Variants in PGPEP1 observed in about 807,000 individuals in gnomAD.
The protein encoded by PGPEP1 is pyroglutamyl-peptidase 1.
PGPEP1 carries 15 observed loss-of-function variants against 24.1 expected under a neutral mutation model. That is an observed-to-expected ratio of 0.62 (90% confidence interval 0.42 to 0.96). PGPEP1 has a LOEUF of 0.96. PGPEP1 is among the 40% of genes least tolerant of loss of function. The pLI, the probability that PGPEP1 is intolerant of heterozygous loss-of-function variation, is 0.00. For synonymous variants in PGPEP1, 122 were observed against 116.4 expected (o/e 1.05, Z -0.31); for missense variants, 242 against 273.4 (o/e 0.89, Z 0.81).
chr19:18,344,251 T>G (rs570053361), intron 2 of PGPEP1, among the ~76,000 whole-genome samples: 1 of 152,200 alleles, frequency 6.6e-6, no homozygotes, highest in East Asian at 1.9e-4. Context: ...GGGGCTGTCA[T>G]TCCTGGTGCC....
rs141010942 is a variant in PGPEP1 at position 18,345,937 on chromosome 19, G to A, written c.87+3026G>A. 6.1e-3 allele frequency among the ~76,000 whole-genome samples: 919 copies of A among 151,456 alleles called. 6 individuals carry two copies. The highest frequency in any genetic ancestry group is 9.3e-3 in the Non-Finnish European group (630 of 67,888). ...CAGGAGGCAGAGGTTGCAGTAAGCC[G>A]AGATTGTGCCACTGCACTCCAGCCT... On this transcript the variant is annotated intron_variant, in intron 2 of 4. Transcript: ENST00000269919.
intron 2 of PGPEP1, among the ~76,000 whole-genome samples, chr19:18,355,205 G>C (rs952098025): frequency 4.0e-5 from 6 of 151,326 alleles, no homozygotes; most frequent in Non-Finnish European, 8.8e-5. Context: ...TCCTGACCTC[G>C]TGATCCGCCT....
At position 18,369,809 on chromosome 19, in the gene PGPEP1, C is replaced by CT. The variant is rs1397822555; in HGVS notation, c.*6230dup. ...CTTCTCCCTGACCCCCGCCCTAGAA[C>CT]TTTTGCCAGTGCCTTTTCTGAAACT... On this transcript the variant is annotated 3_prime_UTR_variant, in exon 5 of 5. Coordinates refer to ENST00000269919, the MANE Select transcript of PGPEP1 (RefSeq NM_017712.4). The CT allele has an allele frequency of 1.3e-5, 2 of 152,254 alleles. No individual in the cohort carries two copies. The highest frequency in any genetic ancestry group is 2.9e-5 in the Non-Finnish European group (2 of 68,118). The allele number at this position is 152,254 out of a possible 1,614,324, so 9.4% of individuals were successfully genotyped here.
At chr19:18,342,170 A>T (rs546642801) in intron 1 of PGPEP1, among the ~76,000 whole-genome samples, 1 of 152,198 alleles carries the variant, frequency 6.6e-6, no homozygotes, top group South Asian at 2.1e-4. Context: ...TGGCCTCCCA[A>T]AGTGCTGGAA....
Position 18,363,499 on chromosome 19 carries a change from C to A in PGPEP1, c.546C>A (p.Gly182=), listed in dbSNP as rs781570888. The A allele has an allele frequency of 6.8e-6, 11 of 1,614,176 alleles. No homozygotes were observed. The South Asian group carries it at 1.1e-4, about 16-fold the overall frequency. Residue 182 remains glycine (G), a synonymous_variant, in exon 5 of 5, where the codon GGC becomes GGA. Coordinates refer to ENST00000269919, the MANE Select transcript of PGPEP1 (RefSeq NM_017712.4). ...LGKPYNADQL[G]RALRAIIEEM... is the part of the protein sequence containing the mutation. ...AGCCGTACAACGCGGACCAGCTGGG[C>A]AGGGCACTGAGAGCCATCATTGAGG... is the stretch of plus-strand genomic sequence containing the variant.
At chr19:18,355,848 A>G in intron 2 of PGPEP1, 47 bp from the exon 3 acceptor site, 3 of 1,199,344 alleles carry the variant, frequency 2.5e-6, no homozygotes, top group South Asian at 1.2e-5. Flanking sequence ...CATTATCCCC[A>G]TAGCTGTCAT....
Position 18,348,759 on chromosome 19 carries a change from A to T in PGPEP1, c.87+5848A>T, listed in dbSNP as rs1396570349. The stretch of plus-strand genomic sequence containing the variant: ...AGTTTCCCTATCACTTTGGTGAGAA[A>T]CTTTTTTTTTGTTTTGAGATGGGGT... On this transcript the variant is annotated intron_variant, in intron 2 of 4. Transcript: ENST00000269919. 2.0e-5 allele frequency among the ~76,000 whole-genome samples: 3 copies of T among 151,934 alleles called. No homozygotes were observed. The East Asian group carries it at 5.8e-4, about 29-fold the overall frequency.
chr19:18,344,672 G>A (rs568451965), intron 2 of PGPEP1, among the ~76,000 whole-genome samples: 179 of 151,676 alleles, frequency 1.2e-3, no homozygotes, highest in Middle Eastern at 3.4e-3. Context: ...GAGCGTGCCC[G>A]AGGCCCTGCC....
chr19:18,343,056 A>G (rs1970719939), intron 2 of PGPEP1, 145 bp downstream of exon 2: 2 of 653,174 alleles, frequency 3.1e-6, no homozygotes, highest in Admixed American at 5.3e-5. Flanking sequence ...CTGGAATGCA[A>G]TGGCACAATC....
intron 1 of PGPEP1, among the ~76,000 whole-genome samples, chr19:18,341,274 A>G (rs1253999968): frequency 6.6e-6 from 1 of 152,166 alleles, no homozygotes; most frequent in East Asian, 1.9e-4. Context: ...CAGCTGTCCC[A>G]GGGACTGTCT....
intron 4 of PGPEP1, among the ~76,000 whole-genome samples, chr19:18,362,661 G>A (rs1457167025): frequency 1.4e-5 from 2 of 146,370 alleles, no homozygotes; most frequent in African/African-American, 5.0e-5. Flanking sequence ...CGAGGAGGCA[G>A]AAGTTGCACT....
At position 18,364,895 on chromosome 19, in the gene PGPEP1, G is replaced by T. The variant is rs1311814864; in HGVS notation, c.*1312G>T. 1 of 151,982 alleles carries T rather than the reference G, an allele frequency of 6.6e-6. No homozygotes were observed. The highest frequency in any genetic ancestry group is 1.9e-4 in the East Asian group (1 of 5,184). 9.4% of individuals were successfully genotyped at this position (151,982 alleles called of 1,614,324 possible). A position where few individuals can be genotyped will look rare whatever the true frequency, so the allele number is the denominator to read the frequency against. ...CCCTACTTCTGGCCTGGAGCTTCAG[G>T]GTTTTGGTGCTGGGACGAGTTTGTT... On this transcript the variant is annotated 3_prime_UTR_variant, in exon 5 of 5. Transcript: ENST00000269919.
Position 18,363,375 on chromosome 19 carries a change from A to G in PGPEP1, c.438-16A>G, listed in dbSNP as rs775385119. 2.9e-5 allele frequency: 46 copies of G among 1,596,220 alleles called. No homozygotes were observed. On this transcript the variant is annotated splice_polypyrimidine_tract_variant and intron_variant, in intron 4 of 4. Coordinates refer to ENST00000269919, the MANE Select transcript of PGPEP1 (RefSeq NM_017712.4). ...CGTTTTGGTCTCTCTCTTACCCGCC[A>G]CGCCCTGCGGCTTAGATATCTCTGC...
chr19:18,360,916 T>A (rs1011655825), intron 4 of PGPEP1, among the ~76,000 whole-genome samples: 11 of 150,712 alleles, frequency 7.3e-5, no homozygotes, highest in Admixed American at 2.0e-4. Flanking sequence ...CACTGCAGCC[T>A]CCATCTCCCG....
At chr19:18,344,982 C>A (rs1185142989) in intron 2 of PGPEP1, among the ~76,000 whole-genome samples, 1 of 152,088 alleles carries the variant, frequency 6.6e-6, no homozygotes, top group Non-Finnish European at 1.5e-5. Context: ...TCTCTCCAGA[C>A]CTGCAGTTTC....
In PGPEP1 at chr19:18,366,253, C is replaced by T. The variant is rs1224209416; in HGVS notation, c.*2670C>T. On this transcript the variant is annotated 3_prime_UTR_variant, in exon 5 of 5. Transcript: ENST00000269919. ...CTAAGCACCTGCCCCGGGCTCCACA[C>T]TTCCATCTTTCTTTTGTCTTCATTT... 2 of 152,202 alleles carry T rather than the reference C, an allele frequency of 1.3e-5. No individual in the cohort carries two copies. Among genetic ancestry groups the T allele is most frequent in the Non-Finnish European group, 2.9e-5 (2 of 68,076 alleles). 9.4% of individuals were successfully genotyped at this position (152,202 alleles called of 1,614,324 possible). A position where few individuals can be genotyped will look rare whatever the true frequency, so the allele number is the denominator to read the frequency against.
chr19:18,359,227 G>A (rs1279926574), intron 4 of PGPEP1, among the ~76,000 whole-genome samples: 1 of 152,106 alleles, frequency 6.6e-6, no homozygotes, highest in Admixed American at 6.6e-5. Context: ...CTGGGCAACA[G>A]AGCAAGACCC....
At position 18,357,724 on chromosome 19, in the gene PGPEP1, C is replaced by G. The variant is rs1009030876; in HGVS notation, c.437+109C>G. The G allele has an allele frequency of 4.0e-6, 3 of 751,630 alleles. No homozygotes were observed. In the African/African-American group the frequency reaches 5.1e-5, roughly 13 times the overall value. 46.6% of individuals were successfully genotyped at this position (751,630 alleles called of 1,614,324 possible). On this transcript the variant is annotated intron_variant, in intron 4 of 4. Coordinates refer to ENST00000269919, the MANE Select transcript of PGPEP1 (RefSeq NM_017712.4). ...CCTTGGCCTCTTTGGACCAAGCACT[C>G]AGTGTATACTAGGCACAGAGCCAAG...
intron 4 of PGPEP1, among the ~76,000 whole-genome samples, chr19:18,361,101 G>C (rs1971336127): frequency 3.3e-5 from 5 of 151,822 alleles, no homozygotes; most frequent in Admixed American, 3.3e-4. Context: ...CAAGGTGCTA[G>C]AATTACAGGT....
Sources: gnomAD v4.1 joint callset for allele counts (sites outside exome capture counted in the v4.1 genomes callset) on GRCh38, gnomAD v4.1.1 for gene constraint, MANE v1.5 for transcripts, NCBI Gene and HGNC (gene_info 2026-07-23, HGNC 2026-07-21) for gene names.